Variants in DNAJC12 observed in about 807,000 individuals in gnomAD.
The protein encoded by DNAJC12 is dnaJ homolog subfamily C member 12.
A neutral mutation model predicts 28.5 loss-of-function variants in DNAJC12; 25 were observed. The ratio of observed to expected loss-of-function variants is 0.88; its 90% CI spans 0.64 to 1.22. The LOEUF is 1.22. DNAJC12 is among the 50% of genes most tolerant of loss of function. The probability of loss-of-function intolerance (pLI) is 0.00; values close to 1 mark genes in which losing one functional copy is unlikely to be tolerated. For missense variants in DNAJC12, 222 were observed against 231.7 expected (o/e 0.96, Z 0.27); for synonymous variants, 77 against 80.6 (o/e 0.95, Z 0.24).
Position 67,834,202 on chromosome 10 carries a change from T to A in DNAJC12, c.78+3732A>T, listed in dbSNP as rs1323362880. 8.5e-6 allele frequency: 3 copies of A among 352,378 alleles called. No individual in the cohort carries two copies. The Admixed American group carries it at 1.3e-4, about 15-fold the overall frequency. The allele number at this position is 352,378 out of a possible 1,614,324, so 21.8% of individuals were successfully genotyped here. The stretch of plus-strand genomic sequence containing the variant: ...TTTTAATTTCTGATTTTGATCATTA[T>A]ACTTTCATTAGGTATGATGTTAACA... On this transcript the variant is annotated intron_variant, in intron 1 of 4. Coordinates refer to ENST00000225171, the MANE Select transcript of DNAJC12 (RefSeq NM_021800.3).
chr10:67,813,630 C>T (rs929035293), intron 2 of DNAJC12, among the ~76,000 whole-genome samples: 20 of 150,704 alleles, frequency 1.3e-4, no homozygotes, highest in African/African-American at 3.2e-4. Context: ...TGGTGGCAGG[C>T]GCCTGTAATC....
chr10:67,833,106 A>T (rs1381171182), intron 1 of DNAJC12, among the ~76,000 whole-genome samples: 1 of 152,210 alleles, frequency 6.6e-6, no homozygotes, highest in Non-Finnish European at 1.5e-5. Context: ...ATTAAGGGTT[A>T]AGCGTAATAA....
intron 4 of DNAJC12, among the ~76,000 whole-genome samples, chr10:67,799,620 C>G (rs1297522706): frequency 6.6e-6 from 1 of 152,170 alleles, no homozygotes; most frequent in African/African-American, 2.4e-5. Context: ...TGCGGTGGCT[C>G]ACGCCTGTGA....
At chr10:67,806,263 C>T (rs1252056226) in intron 3 of DNAJC12, among the ~76,000 whole-genome samples, 3 of 152,196 alleles carry the variant, frequency 2.0e-5, no homozygotes, top group East Asian at 1.9e-4. Context: ...GACACACTAC[C>T]TCTATTACCA....
chr10:67,819,656 GAAAGAGAA>G (rs1245926876), intron 2 of DNAJC12, among the ~76,000 whole-genome samples: 19 of 123,680 alleles, frequency 1.5e-4, no homozygotes, highest in African/African-American at 5.4e-4. Context: ...AAGAAAGAAA[GAAAGAGAA>G]AGAAAGAAAG....
chr10:67,806,187 A>G (rs187070749), intron 3 of DNAJC12, among the ~76,000 whole-genome samples: 1 of 152,336 alleles, frequency 6.6e-6, no homozygotes, highest in Admixed American at 6.5e-5. Context: ...AAAATAATGC[A>G]TAACTATTTC....
intron 2 of DNAJC12, 108 bp downstream of exon 2, chr10:67,823,206 T>C: frequency 2.3e-6 from 2 of 869,546 alleles, no homozygotes; most frequent in Non-Finnish European, 1.9e-6. Flanking sequence ...AGAATACGGT[T>C]GAGCATAATA....
chr10:67,814,454 C>T (rs1841894283), intron 2 of DNAJC12, among the ~76,000 whole-genome samples: 1 of 151,576 alleles, frequency 6.6e-6, no homozygotes, highest in African/African-American at 2.4e-5. Flanking sequence ...TCAGCTTAGG[C>T]AAGAGCTCCT....
At chr10:67,802,870 T>TGTGTGTGA (rs553939445) in intron 4 of DNAJC12, among the ~76,000 whole-genome samples, 1 of 147,674 alleles carries the variant, frequency 6.8e-6, no homozygotes, top group African/African-American at 2.5e-5. Context: ...TGTGTGTGTG[T>TGTGTGTGA]GACAGGATCT....
At chr10:67,805,127 A>G (rs549378822) in intron 4 of DNAJC12, among the ~76,000 whole-genome samples, 84 of 152,298 alleles carry the variant, frequency 5.5e-4, no homozygotes, top group African/African-American at 2.0e-3. Flanking sequence ...GCCTTGGTTC[A>G]GACCCCTTTC....
chr10:67,800,677 G>A (rs567616747), intron 4 of DNAJC12, among the ~76,000 whole-genome samples: 9 of 152,124 alleles, frequency 5.9e-5, no homozygotes, highest in South Asian at 2.1e-4. Flanking sequence ...GGGACGCGGC[G>A]GCTCATGCCT....
intron 1 of DNAJC12, among the ~76,000 whole-genome samples, chr10:67,831,937 A>T (rs1475744624): frequency 6.6e-6 from 1 of 152,218 alleles, no homozygotes; most frequent in Non-Finnish European, 1.5e-5. Context: ...GATTCCAGTG[A>T]TGGAAATTCA....
chr10:67,827,245 G>A (rs941366051), intron 1 of DNAJC12, among the ~76,000 whole-genome samples: 1 of 151,726 alleles, frequency 6.6e-6, no homozygotes, highest in African/African-American at 2.4e-5. Flanking sequence ...AAATTAGGTG[G>A]GCATGATGGC....
At chr10:67,836,014 A>G (rs780320287) in intron 1 of DNAJC12, among the ~76,000 whole-genome samples, 1 of 152,204 alleles carries the variant, frequency 6.6e-6, no homozygotes, top group East Asian at 1.9e-4. Flanking sequence ...CTGACTATGC[A>G]GCCATAAAAA....
chr10:67,805,432 G>A (rs542333208), intron 4 of DNAJC12, 151 bp downstream of exon 4: 277 of 789,898 alleles, frequency 3.5e-4, no homozygotes, highest in Middle Eastern at 2.6e-3. Context: ...TTCTAGTTTC[G>A]GTGTCAATGC....
At chr10:67,819,546 C>T (rs1841950512) in intron 2 of DNAJC12, among the ~76,000 whole-genome samples, 1 of 150,230 alleles carries the variant, frequency 6.7e-6, no homozygotes, top group South Asian at 2.1e-4. Context: ...GGCTGAGGCA[C>T]GAGAATTGTT....
In DNAJC12 at chr10:67,823,347, G is replaced by A. The variant is rs1055578473; in HGVS notation, c.124C>T (p.His42Tyr). Residue 42 changes from histidine (H) to tyrosine (Y), a missense_variant, in exon 2 of 5, where the codon CAC (histidine) becomes TAC (tyrosine). Physicochemically the swap from His to Tyr is moderately conservative, Grantham distance 83. Coordinates refer to ENST00000225171, the MANE Select transcript of DNAJC12 (RefSeq NM_021800.3). ...AEFKVRALEC[H>Y]PDKHPENPKA... is the part of the protein sequence containing the mutation. Reference sequence around the variant, plus strand: ...GGGTTTTCAGGATGCTTGTCTGGGTGACATTCCAGAGCTCTGACTTTAAAT... The same window carrying A: ...GGGTTTTCAGGATGCTTGTCTGGGTAACATTCCAGAGCTCTGACTTTAAAT... The A allele has an allele frequency of 6.2e-7, 1 of 1,614,052 alleles. No individual in the cohort carries two copies.
intron 1 of DNAJC12, among the ~76,000 whole-genome samples, chr10:67,826,421 A>C (rs1202279255): frequency 6.6e-6 from 1 of 150,406 alleles, no homozygotes; most frequent in Non-Finnish European, 1.5e-5. Flanking sequence ...GGCATGAGTC[A>C]CCATGCCTGG....
At chr10:67,832,524 C>T (rs1842104628) in intron 1 of DNAJC12, among the ~76,000 whole-genome samples, 1 of 151,982 alleles carries the variant, frequency 6.6e-6, no homozygotes. Flanking sequence ...ACTTAAAATA[C>T]AATAACTATT....
Sources: allele counts gnomAD v4.1 joint callset (sites outside exome capture counted in the v4.1 genomes callset), GRCh38; gene constraint gnomAD v4.1.1; transcripts MANE v1.5; gene names NCBI Gene and HGNC (gene_info 2026-07-23, HGNC 2026-07-21).